Variants in WDR44 observed in about 807,000 individuals in gnomAD.
WDR44 encodes the protein WD repeat domain 44.
A neutral mutation model predicts 65.7 loss-of-function variants in WDR44; 9 were observed. That is an observed-to-expected ratio of 0.14 (90% CI 0.08 to 0.24). The LOEUF (loss-of-function observed/expected upper bound fraction) is 0.24, where lower values mean the gene tolerates loss of function less well. Among genes scored for constraint, WDR44 ranks in the 10% least tolerant of loss-of-function variants. WDR44 has a pLI of 1.00. For missense variants in WDR44, 425 were observed against 670.9 expected (o/e 0.63, Z 4.05); for synonymous variants, 220 against 235.2 (o/e 0.94, Z 0.59).
At chrX:118,370,500 T>C (rs1309825242) in intron 1 of WDR44, among the ~76,000 whole-genome samples, 1 of 111,027 alleles carries the variant, frequency 9.0e-6, no homozygotes, top group African/African-American at 3.3e-5. Flanking sequence ...CATTCCATGA[T>C]TGGAAGCTTC....
intron 3 of WDR44, among the ~76,000 whole-genome samples, chrX:118,388,580 G>A (rs189709578): frequency 1.8e-5 from 2 of 111,648 alleles, no homozygotes; most frequent in East Asian, 5.6e-4. Flanking sequence ...TGTGCCCAGC[G>A]AGACCACATA....
intron 19 of WDR44, among the ~76,000 whole-genome samples, chrX:118,447,574 T>A (rs769042517): frequency 1.0e-4 from 11 of 110,464 alleles, no homozygotes; most frequent in African/African-American, 3.0e-4. Context: ...GTTTATAGAG[T>A]TTCAATAAGA....
intron 1 of WDR44, among the ~76,000 whole-genome samples, chrX:118,352,321 TATA>T (rs2056414035): frequency 4.7e-4 from 4 of 8,558 alleles, no homozygotes; most frequent in Non-Finnish European, 8.7e-4. Flanking sequence ...AGCTAATTTA[TATA>T]TATATATATA....
intron 10 of WDR44, among the ~76,000 whole-genome samples, chrX:118,409,192 C>T (rs1044084028): frequency 9.9e-5 from 11 of 111,060 alleles, no homozygotes; most frequent in African/African-American, 2.0e-4. Flanking sequence ...TGCAATGGCG[C>T]GGTCTTGACT....
intron 2 of WDR44, among the ~76,000 whole-genome samples, chrX:118,381,399 G>A (rs1053287167): frequency 2.7e-5 from 3 of 109,422 alleles, no homozygotes; most frequent in Non-Finnish European, 5.7e-5. Flanking sequence ...AATCTGAGAG[G>A]CTGAGGTTGC....
chrX:118,346,614 A>G lies in WDR44; in HGVS notation c.77+34A>G, dbSNP rs374485200. The G allele has an allele frequency of 2.8e-6, 3 of 1,088,545 alleles. No individual in the cohort carries two copies. The African/African-American group carries it at 5.6e-5, about 20-fold the overall frequency. 89.7% of individuals were successfully genotyped at this position (1,088,545 alleles called of 1,213,427 possible). ...CTGCAGCTATGACAGGAAGCCGGGC[A>G]TCCCAAGCCCCCCGCATCTCCTGTG... On this transcript the variant is annotated intron_variant, in intron 1 of 19. Transcript: ENST00000254029.
At chrX:118,391,219 C>G (rs1266927005) in intron 3 of WDR44, among the ~76,000 whole-genome samples, 1 of 111,921 alleles carries the variant, frequency 8.9e-6, no homozygotes, top group South Asian at 3.7e-4. Context: ...GTGCTAATGT[C>G]TCTGTATCTT....
intron 13 of WDR44, among the ~76,000 whole-genome samples, chrX:118,434,004 G>A (rs947724916): frequency 8.9e-6 from 1 of 111,926 alleles, no homozygotes; most frequent in Non-Finnish European, 1.9e-5. Context: ...GGGAGATACG[G>A]GAGTTTAGGT....
intron 1 of WDR44, among the ~76,000 whole-genome samples, chrX:118,369,701 C>G (rs2056596550): frequency 9.1e-6 from 1 of 110,265 alleles, no homozygotes; most frequent in African/African-American, 3.3e-5. Context: ...ATCTCCTGAC[C>G]TTGTGATCTG....
Position 118,442,532 on chromosome X carries a change from A to G in WDR44, c.2269-33A>G, listed in dbSNP as rs761414888. On this transcript the variant is annotated intron_variant, in intron 16 of 19. Transcript: ENST00000254029. ...GTAGCTTAGCTTGTACTAAAAGATG[A>G]TATTTTTAACTTTTCATTTGATCTA... The G allele has an allele frequency of 8.6e-6, 10 of 1,163,240 alleles. No homozygotes were observed. In the Admixed American group the frequency reaches 2.0e-4, roughly 23 times the overall value.
intron 8 of WDR44, among the ~76,000 whole-genome samples, chrX:118,401,878 T>C (rs900628735): frequency 9.1e-6 from 1 of 110,413 alleles, no homozygotes. Flanking sequence ...CAGTTTCAGC[T>C]TTCTACATAT....
At chrX:118,368,672 A>G in intron 1 of WDR44, among the ~76,000 whole-genome samples, 1 of 98,900 alleles carries the variant, frequency 1.0e-5, no homozygotes, top group East Asian at 3.3e-4. Context: ...CCTCTGTGTG[A>G]TGCCACTAAT....
chrX:118,361,927 A>G (rs1268134287), intron 1 of WDR44, among the ~76,000 whole-genome samples: 2 of 112,573 alleles, frequency 1.8e-5, no homozygotes, highest in African/African-American at 3.2e-5. Flanking sequence ...TGCAGAAGCT[A>G]TGAAAAACCA....
In WDR44 at chrX:118,443,696, A is replaced by G. The variant is rs1479515675; in HGVS notation, c.2512+9A>G. 15 of 1,190,238 alleles carry G rather than the reference A, an allele frequency of 1.3e-5. No homozygotes were observed. Among genetic ancestry groups the G allele is most frequent in the Non-Finnish European group, 1.6e-5 (14 of 884,280 alleles). ...CTGGGAAGGTATTAAAGGTAAGTACATACTTGCTTTTGTGTGTCTTATAAG... is the reference window on the plus strand; with the variant it reads ...CTGGGAAGGTATTAAAGGTAAGTACGTACTTGCTTTTGTGTGTCTTATAAG... On this transcript the variant is annotated intron_variant, in intron 18 of 19. Transcript: ENST00000254029.
chrX:118,360,073 T>C (rs967633936), intron 1 of WDR44, among the ~76,000 whole-genome samples: 2 of 112,207 alleles, frequency 1.8e-5, no homozygotes, highest in African/African-American at 6.5e-5. Flanking sequence ...TTATCACTTT[T>C]GGTAGTAGTC....
intron 12 of WDR44, among the ~76,000 whole-genome samples, chrX:118,424,323 G>GTGTATATATATATATATATATA (rs1289349202): frequency 1.4e-4 from 9 of 65,550 alleles, no homozygotes; most frequent in African/African-American, 7.9e-4. Context: ...GTGTGTGTGT[G>GTGTATATATATATATATATATA]TATATATATA....
At position 118,368,628 on chromosome X, in the gene WDR44, G is replaced by A. The variant is rs1025156030; in HGVS notation, c.78-9791G>A. Among the ~76,000 whole-genome samples the A allele has an allele frequency of 2.7e-4, 29 of 105,815 alleles. 1 individual carries two copies. The highest frequency in any genetic ancestry group is 1.0e-3 in the African/African-American group (29 of 28,590). The allele number at this position is 105,815 out of a possible 115,157, so 91.9% of individuals were successfully genotyped here. Reference sequence around the variant, plus strand: ...AAGGTTTGCATGACATCACAGGGCAGCTAGAGGGGAGAAGTGTTGGGAGAC... The same window carrying A: ...AAGGTTTGCATGACATCACAGGGCAACTAGAGGGGAGAAGTGTTGGGAGAC... On this transcript the variant is annotated intron_variant, in intron 1 of 19. Coordinates refer to ENST00000254029, the MANE Select transcript of WDR44 (RefSeq NM_019045.5).
rs1431002703 is a variant in WDR44 at position 118,442,696 on chromosome X, G to C, written c.2384+16G>C. On this transcript the variant is annotated intron_variant, in intron 17 of 19. Coordinates refer to ENST00000254029, the MANE Select transcript of WDR44 (RefSeq NM_019045.5). ...CAAGTTTCAGGTAAATTGGCAATGA[G>C]ATGTTCCCAAAAGAGATCAGGACAT... The C allele has an allele frequency of 8.7e-7, 1 of 1,154,679 alleles. No individual in the cohort carries two copies. The highest frequency in any genetic ancestry group is 1.2e-6 in the Non-Finnish European group (1 of 845,266).
chrX:118,384,311 G>A (rs1163912953), intron 2 of WDR44, among the ~76,000 whole-genome samples: 10 of 111,787 alleles, frequency 8.9e-5, no homozygotes, highest in Non-Finnish European at 1.9e-5. Context: ...CTCTCATGGA[G>A]CTTACATTCT....
Sources: allele counts gnomAD v4.1 joint callset (sites outside exome capture counted in the v4.1 genomes callset), GRCh38; gene constraint gnomAD v4.1.1; transcripts MANE v1.5; gene names NCBI Gene and HGNC (gene_info 2026-07-23, HGNC 2026-07-21).